ACSL1: variants seen among roughly 807,000 people sequenced by gnomAD.
ACSL1 encodes the protein acyl-CoA synthetase long chain family member 1.
In ACSL1, 41 loss-of-function variants were observed where a neutral mutation model predicts 98.4. The observed-to-expected ratio is 0.42, with a 90% CI of 0.32 to 0.54. The LOEUF (loss-of-function observed/expected upper bound fraction) is 0.54, where lower values mean the gene tolerates loss of function less well. Among genes scored for constraint, ACSL1 ranks in the 20% least tolerant of loss-of-function variants. The pLI is 0.13. For synonymous variants in ACSL1, 316 were observed against 322.7 expected (o/e 0.98, Z 0.22); for missense variants, 734 against 883.1 (o/e 0.83, Z 2.14).
rs115649378 is a variant in ACSL1, at chr4:184,797,846, C to A, written c.195+5474G>T. ...CTGTGCACATCATGCCAGAAAAACT[C>A]AAGTCCTTGCTGAGTGAATATAGAT... is the stretch of plus-strand genomic sequence containing the variant. On this transcript the variant is annotated intron_variant, in intron 2 of 20. Coordinates refer to ENST00000281455, the MANE Select transcript of ACSL1 (RefSeq NM_001995.5). Among the ~76,000 whole-genome samples the A allele has an allele frequency of 3.5e-3, 531 of 152,302 alleles. 2 individuals carry two copies. Among genetic ancestry groups the A allele is most frequent in the Non-Finnish European group, 5.3e-3 (362 of 68,028 alleles).
intron 1 of ACSL1, among the ~76,000 whole-genome samples, chr4:184,822,225 C>G (rs1773116615): frequency 2.6e-5 from 4 of 151,978 alleles, no homozygotes; most frequent in African/African-American, 7.3e-5. Context: ...AACTCCTGGC[C>G]TCAAGCAACA....
At chr4:184,768,180 G>GAGT in intron 12 of ACSL1, 136 bp downstream of exon 12, 1 of 909,172 alleles carries the variant, frequency 1.1e-6, no homozygotes, top group Non-Finnish European at 1.6e-6. Flanking sequence ...CTTTACAGAT[G>GAGT]AGTAAACTGA....
At chr4:184,765,739 T>A (rs1486851360) in intron 14 of ACSL1, 152 bp downstream of exon 14, 10 of 621,608 alleles carry the variant, frequency 1.6e-5, no homozygotes, top group Non-Finnish European at 2.8e-5. Flanking sequence ...ATTACATACA[T>A]CAAAACATCA....
chr4:184,764,997 G>T, intron 14 of ACSL1, 72 bp from the exon 15 acceptor site: 2 of 1,457,544 alleles, frequency 1.4e-6, no homozygotes, highest in Non-Finnish European at 9.5e-7. Context: ...CACAAGCAAT[G>T]AAGTCTCACT....
intron 1 of ACSL1, among the ~76,000 whole-genome samples, chr4:184,811,964 G>A (rs1424647777): frequency 6.6e-6 from 1 of 152,120 alleles, no homozygotes; most frequent in African/African-American, 2.4e-5. Context: ...ACAGGAGGGT[G>A]ATTTGTGAGC....
intron 1 of ACSL1, chr4:184,812,330 G>C: frequency 1.6e-6 from 1 of 624,298 alleles, no homozygotes. Flanking sequence ...GACCGTGTCA[G>C]ACCCTCTGTG....
At chr4:184,764,981 G>A (rs947962765) in intron 14 of ACSL1, 56 bp from the exon 15 acceptor site, 2 of 1,545,840 alleles carry the variant, frequency 1.3e-6, no homozygotes, top group African/African-American at 1.4e-5. Context: ...ACCTTTACTG[G>A]AAGTGCACAA....
intron 1 of ACSL1, among the ~76,000 whole-genome samples, chr4:184,818,396 C>T (rs762057128): frequency 4.2e-4 from 64 of 152,288 alleles, no homozygotes; most frequent in Non-Finnish European, 6.9e-4. Context: ...GAAAGAAACA[C>T]CTCAGATGTA....
intron 7 of ACSL1, among the ~76,000 whole-genome samples, chr4:184,775,542 C>T (rs1469206232): frequency 6.6e-6 from 1 of 152,108 alleles, no homozygotes; most frequent in Non-Finnish European, 1.5e-5. Flanking sequence ...GCACCCGGGT[C>T]AGCACTTGCG....
At chr4:184,790,542 T>C (rs1430547877) in intron 2 of ACSL1, among the ~76,000 whole-genome samples, 1 of 152,224 alleles carries the variant, frequency 6.6e-6, no homozygotes, top group Non-Finnish European at 1.5e-5. Context: ...CTAACACCTA[T>C]GGCTGTGATT....
Position 184,768,366 on chromosome 4 carries a change from G to A in ACSL1, c.1078C>T (p.Pro360Ser), listed in dbSNP as rs1763951684. 1.2e-6 allele frequency: 2 copies of A among 1,612,438 alleles called. No homozygotes were observed. The highest frequency in any genetic ancestry group is 1.7e-6 in the Non-Finnish European group (2 of 1,179,696). Residue 360 changes from proline to serine, a missense_variant, in exon 12 of 21, where the codon CCC becomes TCC. Coordinates refer to ENST00000281455, the MANE Select transcript of ACSL1 (RefSeq NM_001995.5). ...LLMDDLKVLQ[P>S]TVFPVVPRLL... Reference sequence around the variant, plus strand: ...CTTGGAACCACGGGGAAGACAGTGGGTTGAAGCACCTTGAGGTCATCCATG... The same window carrying A: ...CTTGGAACCACGGGGAAGACAGTGGATTGAAGCACCTTGAGGTCATCCATG...
At chr4:184,792,964 T>C (rs1267914341) in intron 2 of ACSL1, among the ~76,000 whole-genome samples, 6 of 152,178 alleles carry the variant, frequency 3.9e-5, no homozygotes, top group African/African-American at 1.4e-4. Context: ...GGGACGCCTA[T>C]TTAAATGAAA....
At chr4:184,770,824 A>G (rs563365580) in intron 10 of ACSL1, among the ~76,000 whole-genome samples, 21 of 152,326 alleles carry the variant, frequency 1.4e-4, no homozygotes, top group African/African-American at 4.1e-4. Flanking sequence ...TCTTCTCACC[A>G]AAGAATAAAA....
chr4:184,810,288 G>A (rs13120078), intron 1 of ACSL1, among the ~76,000 whole-genome samples: 40,483 of 152,110 alleles, frequency 0.27, 6,892 homozygotes, highest in Non-Finnish European at 0.38. Flanking sequence ...TGGTAGAGAC[G>A]GTTTCAGGAC....
intron 12 of ACSL1, among the ~76,000 whole-genome samples, chr4:184,767,346 A>C (rs1232438058): frequency 6.6e-6 from 1 of 152,074 alleles, no homozygotes; most frequent in African/African-American, 2.4e-5. Flanking sequence ...GTGGAATACT[A>C]TTTGGCCGTT....
intron 2 of ACSL1, among the ~76,000 whole-genome samples, chr4:184,793,389 A>G (rs1179437836): frequency 6.6e-6 from 1 of 152,126 alleles, no homozygotes; most frequent in Non-Finnish European, 1.5e-5. Flanking sequence ...CTGCATATCA[A>G]AGGTTTCCGA....
At chr4:184,823,751 T>C (rs964744443) in intron 1 of ACSL1, among the ~76,000 whole-genome samples, 5 of 152,256 alleles carry the variant, frequency 3.3e-5, no homozygotes, top group Admixed American at 2.0e-4. Context: ...AAATGCTAAA[T>C]GTCAATGCAT....
chr4:184,807,026 T>G (rs1448201205), intron 1 of ACSL1, among the ~76,000 whole-genome samples: 1 of 152,230 alleles, frequency 6.6e-6, no homozygotes, highest in Non-Finnish European at 1.5e-5. Context: ...TAACTGCTAT[T>G]AAGGAAAAGG....
chr4:184,768,605 T>C (rs1432882478), intron 11 of ACSL1, among the ~76,000 whole-genome samples, 155 bp from the exon 12 acceptor site: 1 of 152,192 alleles, frequency 6.6e-6, no homozygotes, highest in Non-Finnish European at 1.5e-5. Context: ...AATGTGCATT[T>C]ACTAGTCATT....
Sources: allele counts gnomAD v4.1 joint callset (sites outside exome capture counted in the v4.1 genomes callset), GRCh38; gene constraint gnomAD v4.1.1; transcripts MANE v1.5; gene names NCBI Gene and HGNC (gene_info 2026-07-23, HGNC 2026-07-21).